Variants in GSE1 observed in about 807,000 individuals in gnomAD.
GSE1 encodes the protein genetic suppressor element 1.
Under a neutral mutation model 112.6 loss-of-function variants are expected in GSE1, and 32 were observed. The ratio of observed to expected loss-of-function variants is 0.28; its 90% CI spans 0.21 to 0.38. GSE1 has a LOEUF of 0.38. Ranked by LOEUF, GSE1 falls within the 10% of genes least tolerant of loss-of-function variation. The pLI is 1.00. For synonymous variants in GSE1, 1,115 were observed against 735.6 expected, an observed-to-expected ratio of 1.52 and a Z score of -8.35; for missense variants, 2,348 against 1,699.2, an observed-to-expected ratio of 1.38 and a Z score of -6.71.
intron 1 of GSE1, among the ~76,000 whole-genome samples, chr16:85,194,648 CAGTT>C (rs528969468): frequency 3.0e-4 from 46 of 152,210 alleles, no homozygotes; most frequent in South Asian, 1.2e-3. Flanking sequence ...ATTTGGGAAA[CAGTT>C]AGATTAAAGA....
intron 2 of GSE1, among the ~76,000 whole-genome samples, chr16:85,542,473 C>A (rs756617975): frequency 1.3e-5 from 2 of 152,234 alleles, no homozygotes; most frequent in African/African-American, 2.4e-5. Flanking sequence ...CATAAGCCTC[C>A]GCTGTGCAGA....
chr16:85,336,934 G>A (rs1447328297), intron 1 of GSE1, among the ~76,000 whole-genome samples: 6 of 152,176 alleles, frequency 3.9e-5, no homozygotes, highest in South Asian at 2.1e-4. Flanking sequence ...AAATGCACAC[G>A]CTGACATGCA....
intron 1 of GSE1, among the ~76,000 whole-genome samples, chr16:85,280,676 G>A (rs1214354515): frequency 5.3e-5 from 8 of 152,156 alleles, no homozygotes; most frequent in Non-Finnish European, 8.8e-5. Flanking sequence ...GATTACAGGC[G>A]TGAGCCACAG....
intron 2 of GSE1, among the ~76,000 whole-genome samples, chr16:85,517,483 C>G (rs1353537511): frequency 2.0e-5 from 3 of 152,212 alleles, no homozygotes; most frequent in Non-Finnish European, 4.4e-5. Context: ...GGTGAAGACA[C>G]TGGGGCCTCA....
chr16:85,670,920 G>A (rs2053275836), intron 14 of GSE1, 75 bp from the exon 15 acceptor site: 1 of 900,372 alleles, frequency 1.1e-6, no homozygotes, highest in Non-Finnish European at 1.9e-6. Flanking sequence ...TGGGCAGGGT[G>A]TGAAGAGGAG....
At chr16:85,588,008 G>A (rs921666255) in intron 1 of GSE1, among the ~76,000 whole-genome samples, 3 of 152,066 alleles carry the variant, frequency 2.0e-5, no homozygotes, top group Admixed American at 6.6e-5. Flanking sequence ...GGCTGTCACC[G>A]TCCCCCGCCT....
chr16:85,246,419 AC>A (rs1905780254), intron 1 of GSE1, among the ~76,000 whole-genome samples: 1 of 105,830 alleles, frequency 9.4e-6, no homozygotes, highest in Non-Finnish European at 1.8e-5. Context: ...ACACACACAC[AC>A]ACCCCATGCT....
exon 1 of GSE1, chr16:85,556,277 A>T: frequency 1.0e-6 from 1 of 981,246 alleles, no homozygotes; most frequent in Non-Finnish European, 1.2e-6. Flanking sequence ...TTTTAATATT[A>T]TTTTCCTTCT....
chr16:85,172,426 C>T (rs1436634011), intron 1 of GSE1, among the ~76,000 whole-genome samples: 3 of 152,236 alleles, frequency 2.0e-5, no homozygotes, highest in African/African-American at 7.2e-5. Context: ...AGAGTCTTTC[C>T]TCTCTGCAAG....
At chr16:85,648,493 G>A in intron 2 of GSE1, 59 bp from the exon 3 acceptor site, 2 of 847,856 alleles carry the variant, frequency 2.4e-6, no homozygotes, top group Non-Finnish European at 3.6e-6. Context: ...GTCCCCAGCT[G>A]GCACTGCACG....
At chr16:85,585,180 T>A (rs1282163488) in intron 1 of GSE1, among the ~76,000 whole-genome samples, 1 of 152,060 alleles carries the variant, frequency 6.6e-6, no homozygotes, top group Non-Finnish European at 1.5e-5. Context: ...GATGGGACAA[T>A]AAAAACGTGC....
chr16:85,468,734 T>C (rs2050197150), intron 2 of GSE1, among the ~76,000 whole-genome samples: 1 of 152,132 alleles, frequency 6.6e-6, no homozygotes, highest in South Asian at 2.1e-4. Context: ...GAACAGATGT[T>C]GGCAAGAGTG....
chr16:85,585,977 T>C (rs1242730535), intron 1 of GSE1, among the ~76,000 whole-genome samples: 1 of 152,140 alleles, frequency 6.6e-6, no homozygotes, highest in Non-Finnish European at 1.5e-5. Context: ...ATGGGGGTAA[T>C]AGAAGAGCCT....
At chr16:85,531,269 C>T (rs2044126606) in intron 2 of GSE1, among the ~76,000 whole-genome samples, 1 of 152,172 alleles carries the variant, frequency 6.6e-6, no homozygotes, top group Non-Finnish European at 1.5e-5. Context: ...CCCATCTGTC[C>T]TGTGTCCTGT....
rs375394893 is a variant in GSE1, at chr16:85,503,119, C to A, written c.2465-130795C>A. ...AGAGGGCACGGCCAGTGCCAAGGCC[C>A]TGAGGTCTGAGCTCACCCAGACCAT... is the stretch of plus-strand genomic sequence containing the variant. On this transcript the variant is annotated intron_variant, in intron 2 of 2. Coordinates refer to the GSE1 transcript ENST00000637419. Among the ~76,000 whole-genome samples the A allele has an allele frequency of 2.0e-5, 3 of 152,280 alleles. No individual in the cohort carries two copies. The East Asian group carries it at 5.8e-4, about 29-fold the overall frequency.
At chr16:85,504,068 C>A (rs1001761710) in intron 2 of GSE1, among the ~76,000 whole-genome samples, 1 of 152,224 alleles carries the variant, frequency 6.6e-6, no homozygotes, top group African/African-American at 2.4e-5. Flanking sequence ...CGGTGCTGCC[C>A]GCACCTCTCT....
chr16:85,473,784 G>A (rs1176270322), intron 2 of GSE1, among the ~76,000 whole-genome samples: 2 of 152,202 alleles, frequency 1.3e-5, no homozygotes, highest in Admixed American at 1.3e-4. Flanking sequence ...GGCGGAGGGG[G>A]GGTCACCATT....
chr16:85,556,949 C>G (rs1186479532), intron 1 of GSE1, among the ~76,000 whole-genome samples: 1 of 152,054 alleles, frequency 6.6e-6, no homozygotes, highest in African/African-American at 2.4e-5. Context: ...CTTCCTGTTT[C>G]CTTAACCTTC....
At chr16:85,256,814 C>T (rs1907133704) in intron 1 of GSE1, among the ~76,000 whole-genome samples, 1 of 152,260 alleles carries the variant, frequency 6.6e-6, no homozygotes, top group Admixed American at 6.5e-5. Flanking sequence ...AGCTTTGGGG[C>T]CCAGGACTGT....
Sources: gnomAD v4.1 joint callset for allele counts (sites outside exome capture counted in the v4.1 genomes callset) on GRCh38, gnomAD v4.1.1 for gene constraint, MANE v1.5 for transcripts, NCBI Gene and HGNC (gene_info 2026-07-23, HGNC 2026-07-21) for gene names.